ORC4: variants seen among roughly 807,000 people sequenced by gnomAD.
ORC4 encodes the protein origin recognition complex subunit 4.
ORC4 carries 55 observed loss-of-function variants against 63.9 expected under a neutral mutation model. That is an observed-to-expected ratio of 0.86 (90% CI 0.69 to 1.08). The LOEUF is 1.08. ORC4 is among the 50% of genes least tolerant of loss of function. ORC4 has a pLI of 0.00. For synonymous variants in ORC4, 150 were observed against 168.5 expected, an observed-to-expected ratio of 0.89 and a Z score of 0.85; for missense variants, 511 against 504.4, an observed-to-expected ratio of 1.01 and a Z score of -0.13.
intron 6 of ORC4, among the ~76,000 whole-genome samples, chr2:147,955,930 T>C (rs190045239): frequency 1.6e-3 from 247 of 152,138 alleles, no homozygotes; most frequent in African/African-American, 5.6e-3. Context: ...AAGAGTATAC[T>C]GAAGAATTTA....
intron 1 of ORC4, among the ~76,000 whole-genome samples, chr2:148,010,075 A>G (rs1198361930): frequency 6.6e-6 from 1 of 152,208 alleles, no homozygotes; most frequent in East Asian, 1.9e-4. Flanking sequence ...ACAAACATAT[A>G]AGAATTAAAC....
Position 147,972,823 on chromosome 2 carries a change from TAA to T in ORC4, c.139_140del (p.Leu47LysfsTer2). The T allele has an allele frequency of 6.2e-7, 1 of 1,601,164 alleles. No individual in the cohort carries two copies. The highest frequency in any genetic ancestry group is 1.3e-5 in the African/African-American group (1 of 74,738). On this transcript the variant is annotated frameshift_variant, in exon 4 of 14. Coordinates refer to ENST00000392857, the MANE Select transcript of ORC4 (RefSeq NM_181741.4). LOFTEE classifies it high-confidence loss of function. The stretch of plus-strand genomic sequence containing the variant: ...GAGCAGTTCTTTTCAGCAGCTCACT[TAA>T]GTGTCTAAAATGATATAAATAGGAC... ...LFGVQVQYKHLSELLKRTALH... is the reference protein window; with the variant it reads ...LFGVQVQYKHXSELLKRTALH...
chr2:148,012,972 C>A (rs1352990533), intron 1 of ORC4, among the ~76,000 whole-genome samples: 2 of 152,168 alleles, frequency 1.3e-5, no homozygotes, highest in African/African-American at 4.8e-5. Flanking sequence ...GAAAGGGGAA[C>A]CCTTGTACAC....
chr2:148,005,849 G>A (rs1692595862), intron 1 of ORC4, among the ~76,000 whole-genome samples: 1 of 151,952 alleles, frequency 6.6e-6, no homozygotes, highest in Admixed American at 6.6e-5. Flanking sequence ...GGTGGCATGT[G>A]CCTGTAGTGC....
At chr2:147,941,672 A>G (rs1229078654) in intron 10 of ORC4, among the ~76,000 whole-genome samples, 2 of 152,030 alleles carry the variant, frequency 1.3e-5, no homozygotes, top group African/African-American at 2.4e-5. Flanking sequence ...TATTTAATTC[A>G]TTACCATGAA....
chr2:148,008,170 G>T (rs1416534458), intron 1 of ORC4, among the ~76,000 whole-genome samples: 1 of 152,176 alleles, frequency 6.6e-6, no homozygotes, highest in East Asian at 1.9e-4. Context: ...TCTTCAATCT[G>T]AAAGAAAAGG....
chr2:147,985,523 CAGAATT>C (rs1180773629), intron 1 of ORC4, among the ~76,000 whole-genome samples: 2 of 152,108 alleles, frequency 1.3e-5, no homozygotes, highest in African/African-American at 4.8e-5. Context: ...CATCTAAAGA[CAGAATT>C]AGAAAATAGC....
At chr2:147,984,326 T>TA (rs1256586236) in intron 1 of ORC4, among the ~76,000 whole-genome samples, 3 of 152,058 alleles carry the variant, frequency 2.0e-5, no homozygotes, top group Non-Finnish European at 4.4e-5. Flanking sequence ...GAATAGTAAA[T>TA]ATATTTTCTA....
intron 10 of ORC4, among the ~76,000 whole-genome samples, chr2:147,943,184 C>T (rs888420942): frequency 3.9e-5 from 6 of 151,994 alleles, no homozygotes; most frequent in Non-Finnish European, 5.9e-5. Context: ...CAATGCATGT[C>T]GATTCTCCCA....
At position 147,932,664 on chromosome 2, in the gene ORC4, A is replaced by T. The variant is rs1338796896; in HGVS notation, c.*2846T>A. The T allele has an allele frequency of 6.6e-6, 1 of 152,140 alleles. No homozygotes were observed. Among genetic ancestry groups the T allele is most frequent in the East Asian group, 1.9e-4 (1 of 5,186 alleles). 9.4% of individuals were successfully genotyped at this position (152,140 alleles called of 1,614,324 possible). On this transcript the variant is annotated 3_prime_UTR_variant, in exon 14 of 14. Coordinates refer to ENST00000392857, the MANE Select transcript of ORC4 (RefSeq NM_181741.4). ...TCTAAACAGATTATATTCCCACTAA[A>T]GTATGTGTGTTGGTCCTGCCAGTAT...
intron 1 of ORC4, among the ~76,000 whole-genome samples, chr2:147,996,352 A>G (rs1421096182): frequency 1.3e-5 from 2 of 152,178 alleles, no homozygotes; most frequent in African/African-American, 4.8e-5. Flanking sequence ...AACACAAAAG[A>G]AAATCTAGGT....
intron 8 of ORC4, among the ~76,000 whole-genome samples, chr2:147,949,287 G>T (rs1688825109): frequency 6.6e-6 from 1 of 151,956 alleles, no homozygotes; most frequent in Non-Finnish European, 1.5e-5. Context: ...GGAATAAAGG[G>T]CTGATATATG....
intron 1 of ORC4, among the ~76,000 whole-genome samples, chr2:147,984,639 G>T (rs777095139): frequency 2.0e-5 from 3 of 152,162 alleles, no homozygotes; most frequent in African/African-American, 7.2e-5. Context: ...GAGAGCTACT[G>T]ACCATTTTAA....
intron 11 of ORC4, 105 bp from the exon 12 acceptor site, chr2:147,938,498 TGAA>T (rs1425922565): frequency 2.5e-5 from 18 of 733,824 alleles, no homozygotes; most frequent in Admixed American, 4.4e-5. Context: ...TTCTGAGGGG[TGAA>T]GAAGGTCAAG....
At chr2:148,009,312 A>G (rs1692812566) in intron 1 of ORC4, among the ~76,000 whole-genome samples, 1 of 152,198 alleles carries the variant, frequency 6.6e-6, no homozygotes. Flanking sequence ...ACCTATCAAT[A>G]ATAATACTGA....
chr2:148,008,236 A>G (rs1251652978), intron 1 of ORC4, among the ~76,000 whole-genome samples: 1 of 152,238 alleles, frequency 6.6e-6, no homozygotes, highest in Admixed American at 6.5e-5. Flanking sequence ...GGTGAAAGTA[A>G]GTGCACAGAT....
At chr2:147,948,928 C>T (rs1227304) in intron 8 of ORC4, among the ~76,000 whole-genome samples, 92,704 of 149,208 alleles carry the variant, frequency 0.62, 29,391 homozygotes, top group Middle Eastern at 0.76. Context: ...ATTGCAGGAA[C>T]TGTCATTCCT....
intron 7 of ORC4, among the ~76,000 whole-genome samples, chr2:147,955,134 C>CAGT (rs1689173380): frequency 6.6e-6 from 1 of 151,600 alleles, no homozygotes; most frequent in Non-Finnish European, 1.5e-5. Context: ...ATATAAAGAT[C>CAGT]AGTATATCAT....
chr2:147,991,692 G>A (rs1003353742), intron 1 of ORC4, among the ~76,000 whole-genome samples: 1 of 152,000 alleles, frequency 6.6e-6, no homozygotes, highest in Non-Finnish European at 1.5e-5. Flanking sequence ...GCCAGGTGTC[G>A]TGGTGCGTAC....
Sources: allele counts gnomAD v4.1 joint callset (sites outside exome capture counted in the v4.1 genomes callset), GRCh38; gene constraint gnomAD v4.1.1; transcripts MANE v1.5; gene names NCBI Gene and HGNC (gene_info 2026-07-23, HGNC 2026-07-21).